TAFA2: variants seen among roughly 807,000 people sequenced by gnomAD.
The protein encoded by TAFA2 is TAFA chemokine like family member 2.
Under a neutral mutation model 18.8 loss-of-function variants are expected in TAFA2, and 7 were observed. The ratio of observed to expected loss-of-function variants is 0.37; its 90% CI spans 0.21 to 0.70. The LOEUF is 0.70. Ranked by LOEUF, TAFA2 falls within the 30% of genes least tolerant of loss-of-function variation. The pLI, the probability that TAFA2 is intolerant of heterozygous loss-of-function variation, is 0.53. For synonymous variants in TAFA2, 60 were observed against 54.2 expected (o/e 1.11, Z -0.47); for missense variants, 122 against 158.1 (o/e 0.77, Z 1.23).
intron 4 of TAFA2, among the ~76,000 whole-genome samples, chr12:61,716,134 A>G (rs2120564204): frequency 6.6e-6 from 1 of 152,304 alleles, no homozygotes; most frequent in East Asian, 1.9e-4. Flanking sequence ...AATGAGTGCT[A>G]AAGAAGTATT....
chr12:62,141,857 T>C (rs187100565), intron 1 of TAFA2, among the ~76,000 whole-genome samples: 156 of 152,180 alleles, frequency 1.0e-3, no homozygotes, highest in Middle Eastern at 6.8e-3. Flanking sequence ...CTAAGAAAAA[T>C]TGACAGAGCC....
intron 2 of TAFA2, among the ~76,000 whole-genome samples, chr12:61,790,921 G>A (rs1870949985): frequency 6.6e-6 from 1 of 151,308 alleles, no homozygotes; most frequent in Non-Finnish European, 1.5e-5. Flanking sequence ...TACTAAGAGG[G>A]GAAAACCTAG....
intron 1 of TAFA2, among the ~76,000 whole-genome samples, chr12:62,170,822 C>T (rs1191613758): frequency 6.6e-6 from 1 of 152,152 alleles, no homozygotes; most frequent in Non-Finnish European, 1.5e-5. Context: ...TTATTCTACA[C>T]TCTGTGTTCA....
chr12:61,887,114 AAAT>A (rs964593339), intron 1 of TAFA2, among the ~76,000 whole-genome samples: 5 of 152,238 alleles, frequency 3.3e-5, no homozygotes, highest in Admixed American at 3.3e-4. Flanking sequence ...CATATCTAAA[AAAT>A]AATAAGAATC....
intron 2 of TAFA2, among the ~76,000 whole-genome samples, chr12:61,792,000 G>A (rs957659847): frequency 2.0e-5 from 3 of 151,298 alleles, no homozygotes; most frequent in East Asian, 3.9e-4. Flanking sequence ...AAGAAAATAT[G>A]GTACATATAA....
At chr12:62,005,293 C>CAT (rs375959613) in intron 1 of TAFA2, among the ~76,000 whole-genome samples, 44 of 151,904 alleles carry the variant, frequency 2.9e-4, no homozygotes, top group African/African-American at 1.0e-3. Flanking sequence ...TGCAATATAC[C>CAT]ATATATATAC....
chr12:62,113,854 G>C (rs144705994), intron 1 of TAFA2, among the ~76,000 whole-genome samples: 1 of 152,154 alleles, frequency 6.6e-6, no homozygotes, highest in Non-Finnish European at 1.5e-5. Context: ...AACCAAGCTC[G>C]AGCATCCAGG....
At position 61,732,739 on chromosome 12, in the gene TAFA2, G is replaced by T. The variant is rs61940885; in HGVS notation, c.384+20883C>A. On this transcript the variant is annotated intron_variant, in intron 4 of 4. Coordinates refer to ENST00000416284, the MANE Select transcript of TAFA2 (RefSeq NM_178539.5). Reference sequence around the variant, plus strand: ...GGAGTGAGCAAGTGATTTTTTGTGTGTGTGTGTGTGTGTGTGCGTGCGTGC... The same window carrying T: ...GGAGTGAGCAAGTGATTTTTTGTGTTTGTGTGTGTGTGTGTGCGTGCGTGC... Among the ~76,000 whole-genome samples, 666 of 150,460 alleles carry T rather than the reference G, an allele frequency of 4.4e-3. 5 individuals carry two copies. Among genetic ancestry groups the T allele is most frequent in the South Asian group, 0.012 (56 of 4,746 alleles).
intron 1 of TAFA2, among the ~76,000 whole-genome samples, chr12:62,242,062 A>C (rs138452700): frequency 3.3e-5 from 5 of 152,356 alleles, no homozygotes; most frequent in Admixed American, 6.5e-5. Context: ...GAGAATTCTA[A>C]GAATGATGAC....
intron 1 of TAFA2, among the ~76,000 whole-genome samples, chr12:62,017,249 A>G (rs1880968391): frequency 6.6e-6 from 1 of 152,132 alleles, no homozygotes; most frequent in South Asian, 2.1e-4. Flanking sequence ...ATAGCTTAAG[A>G]TACTGTAGAC....
chr12:61,921,854 G>A (rs75290387), intron 1 of TAFA2, among the ~76,000 whole-genome samples: 2 of 152,242 alleles, frequency 1.3e-5, no homozygotes, highest in African/African-American at 4.8e-5. Context: ...AGGGAAAAGA[G>A]GAGGAACCAG....
chr12:62,016,129 G>A (rs1565717034), intron 1 of TAFA2, among the ~76,000 whole-genome samples: 1 of 152,184 alleles, frequency 6.6e-6, no homozygotes, highest in African/African-American at 2.4e-5. Flanking sequence ...CAATGTAGTA[G>A]TCATTTACCA....
At chr12:62,216,976 T>C (rs2062738522) in intron 1 of TAFA2, among the ~76,000 whole-genome samples, 1 of 152,188 alleles carries the variant, frequency 6.6e-6, no homozygotes, top group Non-Finnish European at 1.5e-5. Context: ...AGGTAGTATA[T>C]GGGAGTCCAG....
chr12:61,749,876 G>A (rs1868925730), intron 4 of TAFA2, among the ~76,000 whole-genome samples: 1 of 152,008 alleles, frequency 6.6e-6, no homozygotes, highest in South Asian at 2.1e-4. Context: ...ATTAAAAACT[G>A]CACTGACCAC....
At chr12:61,931,018 C>A (rs940834089) in intron 1 of TAFA2, among the ~76,000 whole-genome samples, 2 of 152,176 alleles carry the variant, frequency 1.3e-5, no homozygotes, top group African/African-American at 2.4e-5. Flanking sequence ...ACTAGACAGA[C>A]AGATGAGAGA....
At chr12:62,142,615 G>A (rs947511275) in intron 1 of TAFA2, among the ~76,000 whole-genome samples, 13 of 152,156 alleles carry the variant, frequency 8.5e-5, no homozygotes, top group Admixed American at 8.5e-4. Context: ...GAGAGTAGGA[G>A]AAAAGTTCTA....
At chr12:61,860,670 A>G (rs951745262) in intron 2 of TAFA2, among the ~76,000 whole-genome samples, 7 of 152,184 alleles carry the variant, frequency 4.6e-5, no homozygotes, top group Admixed American at 4.6e-4. Flanking sequence ...TCTTTGTTTC[A>G]TGTCTCAGTA....
intron 1 of TAFA2, among the ~76,000 whole-genome samples, chr12:61,883,491 G>T (rs183744789): frequency 2.6e-5 from 4 of 152,122 alleles, no homozygotes; most frequent in Non-Finnish European, 4.4e-5. Flanking sequence ...TTTATGCAAG[G>T]CCCCACAGTG....
chr12:61,800,230 C>A (rs1244653045), intron 2 of TAFA2, among the ~76,000 whole-genome samples: 2 of 152,092 alleles, frequency 1.3e-5, no homozygotes, highest in Admixed American at 6.5e-5. Context: ...ATGTACAATA[C>A]CACTTTTAAT....
Sources: allele counts gnomAD v4.1 joint callset (sites outside exome capture counted in the v4.1 genomes callset), GRCh38; gene constraint gnomAD v4.1.1; transcripts MANE v1.5; gene names NCBI Gene and HGNC (gene_info 2026-07-23, HGNC 2026-07-21).